Variants in SLC10A7 observed in about 807,000 individuals in gnomAD.
SLC10A7 encodes the protein sodium/bile acid cotransporter 7.
In SLC10A7, 29 loss-of-function variants were observed where a neutral mutation model predicts 43.2. The ratio of observed to expected loss-of-function variants is 0.67; its 90% CI spans 0.50 to 0.92. SLC10A7 has a LOEUF of 0.92. Among genes scored for constraint, SLC10A7 ranks in the 40% least tolerant of loss-of-function variants. The probability of loss-of-function intolerance (pLI) is 0.00; values close to 1 mark genes in which losing one functional copy is unlikely to be tolerated. For synonymous variants in SLC10A7, 152 were observed against 144.8 expected (o/e 1.05, Z -0.35); for missense variants, 295 against 403.2 (o/e 0.73, Z 2.30).
At chr4:146,440,034 C>T (rs570725415) in intron 5 of SLC10A7, among the ~76,000 whole-genome samples, 5 of 152,274 alleles carry the variant, frequency 3.3e-5, no homozygotes, top group African/African-American at 1.2e-4. Context: ...TTTCTTCAAA[C>T]CTTTAATAAT....
chr4:146,376,186 CT>C (rs2149785678), intron 5 of SLC10A7, among the ~76,000 whole-genome samples: 1 of 152,226 alleles, frequency 6.6e-6, no homozygotes, highest in South Asian at 2.1e-4. Context: ...CATCCTGAGG[CT>C]ATCTAGGAGT....
chr4:146,293,320 T>A (rs762550645), intron 8 of SLC10A7, among the ~76,000 whole-genome samples: 21 of 152,232 alleles, frequency 1.4e-4, no homozygotes, highest in Non-Finnish European at 2.8e-4. Flanking sequence ...CAATATACTT[T>A]AGAATAACAA....
At chr4:146,384,399 G>A (rs978399910) in intron 5 of SLC10A7, among the ~76,000 whole-genome samples, 14 of 152,124 alleles carry the variant, frequency 9.2e-5, no homozygotes, top group Non-Finnish European at 1.8e-4. Flanking sequence ...ACAGACATAG[G>A]TTATTATTTT....
intron 7 of SLC10A7, among the ~76,000 whole-genome samples, chr4:146,303,418 C>A (rs1731294850): frequency 6.7e-6 from 1 of 148,462 alleles, no homozygotes; most frequent in Non-Finnish European, 1.5e-5. Flanking sequence ...TGCTCTGTTG[C>A]CCAGGCTGGA....
chr4:146,503,735 C>A, intron 4 of SLC10A7, 114 bp downstream of exon 4: 1 of 854,522 alleles, frequency 1.2e-6, no homozygotes, highest in Non-Finnish European at 1.9e-6. Flanking sequence ...TCACAAGCTG[C>A]TATGGCTAGG....
intron 5 of SLC10A7, among the ~76,000 whole-genome samples, chr4:146,334,940 G>A (rs766864316): frequency 3.3e-5 from 5 of 152,012 alleles, no homozygotes; most frequent in Non-Finnish European, 5.9e-5. Context: ...CCTGTGTTAC[G>A]ACTATTGGGA....
rs575368192 is a variant in SLC10A7 at position 146,476,139 on chromosome 4, G to T, written c.396+27710C>A. Among the ~76,000 whole-genome samples the T allele has an allele frequency of 3.3e-5, 5 of 152,148 alleles. No individual in the cohort carries two copies. The South Asian group carries it at 1.0e-3, about 32-fold the overall frequency. ...TAAAACATGAGAAGGTAGAGGAGGA[G>T]GCAATGTAAAAAGAAATCTATGAAT... On this transcript the variant is annotated intron_variant, in intron 4 of 11. Transcript: ENST00000335472.
At chr4:146,289,706 GTTTTTTTTTTTTTTT>G (rs776153195) in intron 9 of SLC10A7, among the ~76,000 whole-genome samples, 1 of 88,072 alleles carries the variant, frequency 1.1e-5, no homozygotes, top group Admixed American at 1.2e-4. Flanking sequence ...CTGATTATTA[GTTTTTTTTTTTTTTT>G]TTTTTTTTTT....
intron 10 of SLC10A7, among the ~76,000 whole-genome samples, chr4:146,261,349 G>T (rs1473676712): frequency 2.6e-5 from 4 of 152,208 alleles, no homozygotes; most frequent in East Asian, 1.9e-4. Context: ...CCCCTTCTCA[G>T]ATGTCTGAGA....
At chr4:146,373,017 A>G (rs577906871) in intron 5 of SLC10A7, among the ~76,000 whole-genome samples, 1 of 152,292 alleles carries the variant, frequency 6.6e-6, no homozygotes, top group South Asian at 2.1e-4. Flanking sequence ...AGAGAGCCCT[A>G]TTTGCTTCAC....
rs1727838716 is a variant in SLC10A7 at position 146,255,395 on chromosome 4, T to C, written c.*1096A>G. ...CAGAATGTGTATATGTAACATTTGT[T>C]TGCATCCATGACCTTTATATTTTCA... On this transcript the variant is annotated 3_prime_UTR_variant, in exon 12 of 12. Transcript: ENST00000335472. 1 of 152,678 alleles carries C rather than the reference T, an allele frequency of 6.5e-6. No individual in the cohort carries two copies. The highest frequency in any genetic ancestry group is 2.4e-5 in the African/African-American group (1 of 41,462). The allele number at this position is 152,678 out of a possible 1,614,324, so 9.5% of individuals were successfully genotyped here. A position where few individuals can be genotyped will look rare whatever the true frequency, so the allele number is the denominator to read the frequency against.
chr4:146,369,958 G>C (rs1010704655), intron 5 of SLC10A7, among the ~76,000 whole-genome samples: 1 of 151,928 alleles, frequency 6.6e-6, no homozygotes, highest in East Asian at 1.9e-4. Flanking sequence ...ATTTAAACAA[G>C]ATAAAAACAC....
chr4:146,490,364 A>C (rs542855373), intron 4 of SLC10A7, among the ~76,000 whole-genome samples: 1 of 151,522 alleles, frequency 6.6e-6, no homozygotes, highest in Admixed American at 6.6e-5. Flanking sequence ...AGAGTTAGGC[A>C]TATCAGTCTA....
intron 4 of SLC10A7, among the ~76,000 whole-genome samples, chr4:146,477,255 G>C (rs1415529153): frequency 6.6e-6 from 1 of 152,214 alleles, no homozygotes; most frequent in Non-Finnish European, 1.5e-5. Context: ...CTCTAAAGCT[G>C]ACTAATCATG....
chr4:146,498,965 G>A (rs1381423149), intron 4 of SLC10A7, among the ~76,000 whole-genome samples: 3 of 152,058 alleles, frequency 2.0e-5, no homozygotes, highest in Admixed American at 6.5e-5. Flanking sequence ...TTCCTCCTAC[G>A]TTCTATAACA....
chr4:146,263,009 C>T (rs1728331135), intron 10 of SLC10A7, among the ~76,000 whole-genome samples: 1 of 152,266 alleles, frequency 6.6e-6, no homozygotes, highest in Non-Finnish European at 1.5e-5. Flanking sequence ...GACCTGGGCG[C>T]TCCAGCCATG....
chr4:146,293,630 G>A lies in SLC10A7; in HGVS notation c.721+300C>T, dbSNP rs1187995079. On this transcript the variant is annotated intron_variant, in intron 8 of 11. Coordinates refer to ENST00000335472, the MANE Select transcript of SLC10A7 (RefSeq NM_001029998.6). ...TAAAGCTATAATAAACTAAATTGGTGACACAGTGCTTAATCTAACATTTGC... is the reference window on the plus strand; with the variant it reads ...TAAAGCTATAATAAACTAAATTGGTAACACAGTGCTTAATCTAACATTTGC... Among the ~76,000 whole-genome samples, 91 of 152,224 alleles carry A rather than the reference G, an allele frequency of 6.0e-4. 1 individual carries two copies. The highest frequency in any genetic ancestry group is 5.9e-3 in the Admixed American group (90 of 15,288).
At chr4:146,509,813 G>A in intron 3 of SLC10A7, 100 bp downstream of exon 3, 2 of 1,043,896 alleles carry the variant, frequency 1.9e-6, no homozygotes, top group Admixed American at 2.8e-5. Context: ...CTTTTAAGAT[G>A]GTACACATAA....
intron 6 of SLC10A7, among the ~76,000 whole-genome samples, chr4:146,309,573 AG>A (rs1277120823): frequency 6.6e-6 from 1 of 152,106 alleles, no homozygotes; most frequent in Admixed American, 6.6e-5. Context: ...TCTAGTACAT[AG>A]GGTGTGCTCA....
Sources: allele counts gnomAD v4.1 joint callset (sites outside exome capture counted in the v4.1 genomes callset), GRCh38; gene constraint gnomAD v4.1.1; transcripts MANE v1.5; gene names NCBI Gene and HGNC (gene_info 2026-07-23, HGNC 2026-07-21).